The following ZNF138 variants were observed in gnomAD, a reference collection of about 807,000 sequenced individuals.
ZNF138 encodes the protein zinc finger protein 138, also known as zinc finger protein 138 (clone pHZ-32).
Under a neutral mutation model 33.0 loss-of-function variants are expected in ZNF138, and 33 were observed. That is an observed-to-expected ratio of 1.00 (90% confidence interval 0.76 to 1.34). The LOEUF (loss-of-function observed/expected upper bound fraction) is 1.34. Among genes scored for constraint, ZNF138 ranks in the 40% most tolerant of loss-of-function variants. The pLI, the probability that ZNF138 is intolerant of heterozygous loss-of-function variation, is 0.00. For missense variants in ZNF138, 360 were observed against 370.8 expected (o/e 0.97, Z 0.24); for synonymous variants, 139 against 120.4 (o/e 1.15, Z -1.01).
chr7:64,808,314 C>CTGGAGACCCAAAGGGATAAACTAAT (rs1787776792), intron 1 of ZNF138, among the ~76,000 whole-genome samples: 1 of 152,154 alleles, frequency 6.6e-6, no homozygotes. Flanking sequence ...AGGAGGTGGT[C>CTGGAGACCCAAAGGGATAAACTAAT]TGGAGACCCA....
chr7:64,831,037 C>T (rs1790040235), intron 3 of ZNF138: 1 of 1,551,762 alleles, frequency 6.4e-7, no homozygotes. Flanking sequence ...GAAACAGAAA[C>T]CAGTGTCTGC....
chr7:64,859,186 A>G, the ZNF138 span, among the ~76,000 whole-genome samples: 1 of 152,124 alleles, frequency 6.6e-6, no homozygotes, highest in Non-Finnish European at 1.5e-5. Flanking sequence ...TCAGCCTCCC[A>G]AAGTGCTGGG....
downstream of ZNF138, among the ~76,000 whole-genome samples, chr7:64,837,037 G>A (rs1271457313): frequency 6.6e-6 from 1 of 152,210 alleles, no homozygotes; most frequent in Non-Finnish European, 1.5e-5. Flanking sequence ...GCCAGCGAAA[G>A]GTGTTAGCAA....
At position 64,831,743 on chromosome 7, in the gene ZNF138, C is replaced by T. The variant is rs61732253; in HGVS notation, c.501C>T (p.Phe167=). ...TAAGACATACTGAAAATAAACATTT[C>T]AGATGTAAAGAATGTGACAAATCAC... ...HKIRHTENKH[F]RCKECDKSLC... Residue 167 remains phenylalanine (F), a synonymous_variant, in exon 4 of 4, where the codon TTC becomes TTT. Coordinates refer to ENST00000307355, the MANE Select transcript of ZNF138 (RefSeq NM_001271639.2). 83 of 1,613,484 alleles carry T rather than the reference C, an allele frequency of 5.1e-5. 2 individuals carry two copies. In the Middle Eastern group the frequency reaches 2.1e-3, roughly 42 times the overall value.
chr7:64,812,551 C>A (rs1788262771), intron 1 of ZNF138, among the ~76,000 whole-genome samples: 1 of 152,012 alleles, frequency 6.6e-6, no homozygotes, highest in Non-Finnish European at 1.5e-5. Context: ...GCCCATATTT[C>A]CATTACTGTA....
At chr7:64,846,868 C>G in the ZNF138 span, among the ~76,000 whole-genome samples, 1 of 152,118 alleles carries the variant, frequency 6.6e-6, no homozygotes, top group African/African-American at 2.4e-5. Context: ...TTCAACTTTT[C>G]CCCATTCACT....
chr7:64,821,292 TG>T (rs1417476540), intron 3 of ZNF138, among the ~76,000 whole-genome samples: 15 of 151,032 alleles, frequency 9.9e-5, no homozygotes, highest in Non-Finnish European at 8.8e-5. Flanking sequence ...AGTTTCACTG[TG>T]TTAGCTAGGA....
Position 64,815,662 on chromosome 7 carries a change from G to C in ZNF138, c.208+9G>C. ...GGTAGCCAAACATTCAGGTAGGTGA[G>C]AGTGAATACACAGATGGCACAGATG... On this transcript the variant is annotated intron_variant, in intron 3 of 3. Transcript: ENST00000307355. The C allele has an allele frequency of 4.3e-6, 7 of 1,609,770 alleles. No homozygotes were observed. Among genetic ancestry groups the C allele is most frequent in the Non-Finnish European group, 5.9e-6 (7 of 1,177,858 alleles).
chr7:64,844,738 G>A, the ZNF138 span, among the ~76,000 whole-genome samples: 1 of 152,032 alleles, frequency 6.6e-6, no homozygotes, highest in African/African-American at 2.4e-5. Flanking sequence ...CCAGGCTGGA[G>A]TACACTGGCA....
intron 3 of ZNF138, among the ~76,000 whole-genome samples, chr7:64,824,103 A>T (rs1014958804): frequency 1.3e-5 from 2 of 152,214 alleles, no homozygotes; most frequent in African/African-American, 4.8e-5. Flanking sequence ...ATGTTCTCCA[A>T]ACCTCATGCT....
chr7:64,860,411 C>T, the ZNF138 span, among the ~76,000 whole-genome samples: 1 of 152,192 alleles, frequency 6.6e-6, no homozygotes, highest in Non-Finnish European at 1.5e-5. Flanking sequence ...CTTCCATCAA[C>T]ATTTTTTCTT....
At chr7:64,853,488 T>A in the ZNF138 span, 1 of 491,996 alleles carries the variant, frequency 2.0e-6, no homozygotes, top group Non-Finnish European at 3.6e-6. Context: ...GATCATGTAG[T>A]ATTTGTCTTT....
At chr7:64,860,140 T>C in the ZNF138 span, among the ~76,000 whole-genome samples, 3 of 152,154 alleles carry the variant, frequency 2.0e-5, no homozygotes, top group Non-Finnish European at 2.9e-5. Flanking sequence ...TGTCTCAATA[T>C]AATATAATTA....
At chr7:64,854,485 C>A in the ZNF138 span, among the ~76,000 whole-genome samples, 1 of 152,220 alleles carries the variant, frequency 6.6e-6, no homozygotes, top group African/African-American at 2.4e-5. Flanking sequence ...AAGTGATCGG[C>A]CCACCTCGGC....
downstream of ZNF138, among the ~76,000 whole-genome samples, chr7:64,837,618 T>C (rs151067065): frequency 5.3e-4 from 80 of 152,264 alleles, no homozygotes; most frequent in Non-Finnish European, 9.7e-4. Context: ...GAGAGCCAAT[T>C]TGATTAGGTG....
the ZNF138 span, among the ~76,000 whole-genome samples, chr7:64,858,660 G>T: frequency 1.3e-5 from 2 of 152,072 alleles, no homozygotes; most frequent in African/African-American, 4.8e-5. Context: ...ACCCCCTGTC[G>T]CAGGCAATCA....
intron 1 of ZNF138, among the ~76,000 whole-genome samples, chr7:64,813,908 G>C (rs1488222290): frequency 6.6e-6 from 1 of 152,158 alleles, no homozygotes; most frequent in African/African-American, 2.4e-5. Context: ...CTTTACTATA[G>C]AGTTACTTAT....
chr7:64,813,700 C>T (rs1788372411), intron 1 of ZNF138, among the ~76,000 whole-genome samples: 1 of 152,132 alleles, frequency 6.6e-6, no homozygotes, highest in South Asian at 2.1e-4. Context: ...TCCCAAAGTG[C>T]TGGGATTACA....
chr7:64,837,453 G>T (rs1003215163), downstream of ZNF138, among the ~76,000 whole-genome samples: 1 of 152,022 alleles, frequency 6.6e-6, no homozygotes, highest in South Asian at 2.1e-4. Flanking sequence ...GGGCAGGTAC[G>T]TGCCAAGAGG....
Sources: gnomAD v4.1 joint callset for allele counts (sites outside exome capture counted in the v4.1 genomes callset) on GRCh38, gnomAD v4.1.1 for gene constraint, MANE v1.5 for transcripts, NCBI Gene and HGNC (gene_info 2026-07-23, HGNC 2026-07-21) for gene names.